The following MYO1H variants were observed in gnomAD, a reference collection of about 807,000 sequenced individuals.
MYO1H encodes the protein unconventional myosin-Ih.
In MYO1H, 118 loss-of-function variants were observed where a neutral mutation model predicts 149.3. The observed-to-expected ratio is 0.79, with a 90% CI of 0.68 to 0.92. MYO1H has a LOEUF of 0.92. MYO1H is among the 40% of genes least tolerant of loss of function. MYO1H has a pLI of 0.00. For synonymous variants in MYO1H, 447 were observed against 465.2 expected (o/e 0.96, Z 0.50); for missense variants, 1,212 against 1,280.7 (o/e 0.95, Z 0.82).
At chr12:109,443,523 C>T (rs900278178) in exon 28 of MYO1H, 2 of 1,613,492 alleles carry the variant, frequency 1.2e-6, no homozygotes, top group Admixed American at 1.7e-5. Context: ...GTATGGTGTC[C>T]CGGTCATTAA....
At chr12:109,404,948 C>T (rs1270746717) in intron 7 of MYO1H, among the ~76,000 whole-genome samples, 2 of 151,494 alleles carry the variant, frequency 1.3e-5, no homozygotes, top group African/African-American at 4.9e-5. Context: ...CAGTGGCTCA[C>T]ACCTGTAATC....
intron 19 of MYO1H, among the ~76,000 whole-genome samples, chr12:109,431,605 C>G (rs1871622996): frequency 6.6e-6 from 1 of 152,180 alleles, no homozygotes; most frequent in Non-Finnish European, 1.5e-5. Flanking sequence ...CCCAGGCATT[C>G]TGTTTCTACG....
chr12:109,344,172 A>G (rs1449357958), upstream of MYO1H, among the ~76,000 whole-genome samples: 1 of 152,176 alleles, frequency 6.6e-6, no homozygotes, highest in Admixed American at 6.5e-5. Context: ...TGTTATTTTC[A>G]TCACATCACA....
chr12:109,312,790 G>GT, the MYO1H span, among the ~76,000 whole-genome samples: 337 of 145,574 alleles, frequency 2.3e-3, no homozygotes, highest in East Asian at 0.015. Flanking sequence ...GTTTTGTTTT[G>GT]TTTTTTTTTT....
intron 14 of MYO1H, among the ~76,000 whole-genome samples, chr12:109,414,688 A>G (rs1870828576): frequency 6.6e-6 from 1 of 152,044 alleles, no homozygotes; most frequent in East Asian, 1.9e-4. Flanking sequence ...CTCAGCATTT[A>G]TGGGAAGAAA....
intron 10 of MYO1H, among the ~76,000 whole-genome samples, chr12:109,409,161 AT>A (rs1185330035): frequency 6.7e-6 from 1 of 149,146 alleles, no homozygotes; most frequent in Non-Finnish European, 1.5e-5. Context: ...TTGGATAGGC[AT>A]CTTCTTGTCT....
Position 109,393,234 on chromosome 12 carries a change from T to C in MYO1H, c.175-97T>C, listed in dbSNP as rs916424576. ...AGAGACCCCGCCTGATTTATCATTT[T>C]AAATCCTCCATGTGGAATGAACACA... On this transcript the variant is annotated intron_variant, in intron 2 of 31. Transcript: ENST00000310903. The C allele has an allele frequency of 6.9e-5, 53 of 766,924 alleles. No individual in the cohort carries two copies. In the Middle Eastern group the frequency reaches 9.2e-4, roughly 13 times the overall value. 47.5% of individuals were successfully genotyped at this position (766,924 alleles called of 1,614,324 possible).
At chr12:109,408,142 A>G (rs1870483486) in intron 10 of MYO1H, among the ~76,000 whole-genome samples, 2 of 152,152 alleles carry the variant, frequency 1.3e-5, no homozygotes, top group African/African-American at 4.8e-5. Flanking sequence ...GTGGTATGCC[A>G]GATAGCTTCA....
In MYO1H at chr12:109,438,649, A is replaced by C. The variant is rs77580513; in HGVS notation, c.2294+29A>C. On this transcript the variant is annotated intron_variant, in intron 23 of 31. Coordinates refer to ENST00000310903, the Ensembl canonical transcript of MYO1H. ...AGTTCTCAGGTACAACAGAGAGGACAGGTCACTAAATGCTGGTACCCTGCA... is the reference window on the plus strand; with the variant it reads ...AGTTCTCAGGTACAACAGAGAGGACCGGTCACTAAATGCTGGTACCCTGCA... 128 of 1,539,664 alleles carry C rather than the reference A, an allele frequency of 8.3e-5. No homozygotes were observed. In the East Asian group the frequency reaches 2.8e-3, roughly 34 times the overall value.
intron 15 of MYO1H, 87 bp downstream of exon 15, chr12:109,415,707 T>G (rs1270937805): frequency 7.7e-6 from 7 of 906,818 alleles, no homozygotes; most frequent in African/African-American, 1.7e-5. Context: ...CAGGAAATGG[T>G]GCACAGCCAT....
chr12:109,406,926 C>A, intron 9 of MYO1H, 66 bp downstream of exon 9: 2 of 1,466,706 alleles, frequency 1.4e-6, no homozygotes, highest in Non-Finnish European at 1.9e-6. Flanking sequence ...TCGATAACAG[C>A]AGGGTGGTGG....
In MYO1H at chr12:109,379,037, T is replaced by C. The variant is rs113269950; in HGVS notation, c.13-9646T>C. ...TTGAATTGGAAGTTAGATCTAAACC[T>C]GTGCTCCCTGAGTACTAGGCACTGG... On this transcript the variant is annotated intron_variant, in intron 1 of 31. Coordinates refer to ENST00000310903, the Ensembl canonical transcript of MYO1H. Among the ~76,000 whole-genome samples, 367 of 152,340 alleles carry C rather than the reference T, an allele frequency of 2.4e-3. 2 individuals carry two copies. Among genetic ancestry groups the C allele is most frequent in the African/African-American group, 8.4e-3 (350 of 41,576 alleles).
intron 16 of MYO1H, among the ~76,000 whole-genome samples, chr12:109,423,893 T>C (rs1038765659): frequency 1.3e-5 from 2 of 152,158 alleles, no homozygotes; most frequent in African/African-American, 4.8e-5. Flanking sequence ...TTAAGGACTT[T>C]TGGTGATATA....
At chr12:109,409,454 A>G (rs1870567775) in intron 10 of MYO1H, 103 bp from the exon 11 acceptor site, 1 of 948,886 alleles carries the variant, frequency 1.1e-6, no homozygotes, top group Non-Finnish European at 1.7e-6. Context: ...GACAGAGGAC[A>G]TATGAGCTTT....
chr12:109,447,802 C>T (rs1274109938), exon 32 of MYO1H: 1 of 152,996 alleles, frequency 6.5e-6, no homozygotes, highest in East Asian at 1.9e-4. Flanking sequence ...GCCTTCTGCC[C>T]TGAGCTGCTG....
chr12:109,445,623 G>A lies in MYO1H; in HGVS notation c.3093+11G>A, dbSNP rs768940463. The A allele has an allele frequency of 1.8e-5, 29 of 1,605,484 alleles. No homozygotes were observed. The highest frequency in any genetic ancestry group is 1.7e-4 in the Middle Eastern group (1 of 6,044). On this transcript the variant is annotated intron_variant, in intron 31 of 31. Transcript: ENST00000310903. ...GGACAATTAACAGTGGTGAGTGGCC[G>A]TCTCTGGGAGGGAAGTAAGCCGTTT...
chr12:109,413,118 T>A (rs1348222504), intron 14 of MYO1H, among the ~76,000 whole-genome samples: 1 of 151,920 alleles, frequency 6.6e-6, no homozygotes, highest in Admixed American at 6.6e-5. Context: ...GGACTACAGG[T>A]GTGCGCCATC....
intron 1 of MYO1H, among the ~76,000 whole-genome samples, chr12:109,371,164 T>C (rs1868974028): frequency 6.6e-6 from 1 of 152,106 alleles, no homozygotes. Flanking sequence ...GTTGTGACTT[T>C]ATAAGCATCT....
At chr12:109,424,259 C>T (rs1871278674) in intron 16 of MYO1H, among the ~76,000 whole-genome samples, 1 of 152,170 alleles carries the variant, frequency 6.6e-6, no homozygotes, top group African/African-American at 2.4e-5. Flanking sequence ...TTCGTGGGCT[C>T]AAGTGATCCT....
Sources: gnomAD v4.1 joint callset for allele counts (sites outside exome capture counted in the v4.1 genomes callset) on GRCh38, gnomAD v4.1.1 for gene constraint, MANE v1.5 for transcripts, NCBI Gene and HGNC (gene_info 2026-07-23, HGNC 2026-07-21) for gene names.